THBS4: variants seen among roughly 807,000 people sequenced by gnomAD.
THBS4 encodes the protein thrombospondin-4.
In THBS4, 90 loss-of-function variants were observed where a neutral mutation model predicts 115.7. The observed-to-expected ratio is 0.78, with a 90% CI of 0.66 to 0.93. The LOEUF (loss-of-function observed/expected upper bound fraction) is 0.93. THBS4 is among the 40% of genes least tolerant of loss of function. The pLI is 0.00. For synonymous variants in THBS4, 460 were observed against 479.3 expected, an observed-to-expected ratio of 0.96 and a Z score of 0.53; for missense variants, 1,087 against 1,232.7, an observed-to-expected ratio of 0.88 and a Z score of 1.77.
intron 2 of THBS4, among the ~76,000 whole-genome samples, chr5:80,002,500 G>A (rs1277485208): frequency 1.2e-5 from 1 of 80,436 alleles, no homozygotes; most frequent in Non-Finnish European, 2.1e-5. Context: ...GAAAAGCTGG[G>A]AAGTCCCCTC....
chr5:80,061,862 T>C, intron 8 of THBS4, 30 bp downstream of exon 8: 6 of 1,583,358 alleles, frequency 3.8e-6, no homozygotes, highest in Non-Finnish European at 5.2e-6. Context: ...TCTATTCATT[T>C]CTCATCTTAA....
chr5:80,061,426 C>T (rs1318441631), intron 7 of THBS4, among the ~76,000 whole-genome samples: 1 of 152,176 alleles, frequency 6.6e-6, no homozygotes, highest in Non-Finnish European at 1.5e-5. Flanking sequence ...GAGCTTATTA[C>T]ATTGAGAGGT....
intron 8 of THBS4, among the ~76,000 whole-genome samples, 154 bp from the exon 9 acceptor site, chr5:80,065,255 C>G (rs983490276): frequency 5.3e-5 from 8 of 152,274 alleles, no homozygotes; most frequent in African/African-American, 1.9e-4. Context: ...GGTACAAATG[C>G]AAGGGAGATG....
chr5:80,060,499 C>T (rs1341432566), intron 7 of THBS4, among the ~76,000 whole-genome samples: 2 of 152,220 alleles, frequency 1.3e-5, no homozygotes, highest in Non-Finnish European at 2.9e-5. Context: ...GTGGCTGAAG[C>T]CTGCAATCTC....
At chr5:80,016,609 T>A (rs1561294631) in intron 2 of THBS4, among the ~76,000 whole-genome samples, 1 of 152,232 alleles carries the variant, frequency 6.6e-6, no homozygotes, top group South Asian at 2.1e-4. Context: ...TCATAAATGA[T>A]GAACAAATAA....
chr5:80,065,472 A>ACTT lies in THBS4; in HGVS notation c.1190_1192dup (p.Thr397_Leu398insSer). 1 of 1,613,258 alleles carries ACTT rather than the reference A, an allele frequency of 6.2e-7. No individual in the cohort carries two copies. The highest frequency in any genetic ancestry group is 8.5e-7 in the Non-Finnish European group (1 of 1,179,696). On this transcript the variant is annotated inframe_insertion, in exon 9 of 22. Coordinates refer to ENST00000350881, the MANE Select transcript of THBS4 (RefSeq NM_003248.6). ...CGTTCCCAACTCGATCTGCGTTAAT[A>ACTT]CTTTGGTAAGTATTTCTCACAGCTG...
intron 2 of THBS4, among the ~76,000 whole-genome samples, chr5:80,013,603 C>T: frequency 6.6e-6 from 1 of 152,086 alleles, no homozygotes; most frequent in East Asian, 1.9e-4. Context: ...GGGTAGGTGA[C>T]AGCCTGCCCA....
intron 1 of THBS4, among the ~76,000 whole-genome samples, chr5:79,993,025 A>G (rs888722047): frequency 4.6e-5 from 7 of 152,256 alleles, no homozygotes; most frequent in African/African-American, 1.7e-4. Flanking sequence ...TAAAACAATC[A>G]TACAGAAAGA....
chr5:80,007,893 A>C (rs1387349284), intron 2 of THBS4, among the ~76,000 whole-genome samples: 1 of 152,286 alleles, frequency 6.6e-6, no homozygotes, highest in East Asian at 1.9e-4. Context: ...TCAAATAGTA[A>C]TTAGTTGGTT....
chr5:80,060,618 G>A (rs548689771), intron 7 of THBS4, among the ~76,000 whole-genome samples: 1 of 152,184 alleles, frequency 6.6e-6, no homozygotes, highest in South Asian at 2.1e-4. Context: ...TAATTACTGG[G>A]GCATGGTGGC....
At chr5:80,004,943 ACCCAGGCTGGTCTCAAACTTT>A (rs763883847) in intron 2 of THBS4, among the ~76,000 whole-genome samples, 13 of 151,906 alleles carry the variant, frequency 8.6e-5, no homozygotes, top group Non-Finnish European at 1.6e-4. Context: ...TCGCCATGTT[ACCCAGGCTGGTCTCAAACTTT>A]TGACTTCAGG....
chr5:80,075,336 C>T (rs904099335), intron 15 of THBS4: 1 of 152,186 alleles, frequency 6.6e-6, no homozygotes, highest in African/African-American at 2.4e-5. Flanking sequence ...ATAAATGCAT[C>T]GCACAGGTTA....
chr5:80,059,883 T>G lies in THBS4; in HGVS notation c.965T>G (p.Ile322Ser), dbSNP rs1222888002. 6 of 1,613,966 alleles carry G rather than the reference T, an allele frequency of 3.7e-6. No homozygotes were observed. The highest frequency in any genetic ancestry group is 3.3e-5 in the Admixed American group (2 of 60,010). The change falls in exon 7 of 22, where the codon ATC (isoleucine) becomes AGC (serine). Residue 322 changes from isoleucine to serine, a missense_variant. Transcript: ENST00000350881. ...CCCGAGGGCTACACAGGAAACGGGA[T>G]CACCTGTATTGATGTTGATGAGGTA... ...PCPEGYTGNG[I>S]TCIDVDECKY...
At position 79,995,812 on chromosome 5, in the gene THBS4, G is replaced by A. The variant is rs117076246; in HGVS notation, n.82-2520G>A. Among the ~76,000 whole-genome samples, 878 of 152,034 alleles carry A rather than the reference G, an allele frequency of 5.8e-3. 41 individuals carry two copies. The East Asian group carries it at 0.11, about 19-fold the overall frequency. ...CATTAGAAAAAAAATAAAAGTGCCT[G>A]AGAGAAAGAGATTGGGGCTTTAAAA... On this transcript the variant is annotated intron_variant and non_coding_transcript_variant, in intron 1 of 3. Transcript: ENST00000510218.
chr5:79,998,259 A>G (rs1831834472), intron 1 of THBS4: 1 of 152,198 alleles, frequency 6.6e-6, no homozygotes, highest in African/African-American at 2.4e-5. Flanking sequence ...TCTCATAATA[A>G]TGAGTTCTCA....
rs553435461 is a variant in THBS4 at position 80,042,145 on chromosome 5, G to A, written c.292+1865G>A. On this transcript the variant is annotated intron_variant, in intron 2 of 21. Coordinates refer to ENST00000350881, the MANE Select transcript of THBS4 (RefSeq NM_003248.6). ...GATAATAAAGTGAGTCTGAGGACATGGCCAGCAGATGGGTCAACCGTTCCT... is the reference window on the plus strand; with the variant it reads ...GATAATAAAGTGAGTCTGAGGACATAGCCAGCAGATGGGTCAACCGTTCCT... Among the ~76,000 whole-genome samples, 5 of 152,260 alleles carry A rather than the reference G, an allele frequency of 3.3e-5. No homozygotes were observed. In the South Asian group the frequency reaches 1.0e-3, roughly 32 times the overall value.
intron 2 of THBS4, among the ~76,000 whole-genome samples, chr5:80,042,223 C>G (rs899452416): frequency 2.0e-5 from 3 of 152,192 alleles, no homozygotes; most frequent in African/African-American, 7.2e-5. Flanking sequence ...GCCCATGTCT[C>G]TGCCTTGAAT....
At chr5:80,003,378 A>G (rs1218229978) in intron 2 of THBS4, among the ~76,000 whole-genome samples, 1 of 152,118 alleles carries the variant, frequency 6.6e-6, no homozygotes, top group Non-Finnish European at 1.5e-5. Context: ...AAGTAGGGAG[A>G]GAGAGAAAAA....
At chr5:79,994,342 A>C (rs981239689) in intron 1 of THBS4, among the ~76,000 whole-genome samples, 2 of 152,188 alleles carry the variant, frequency 1.3e-5, no homozygotes, top group African/African-American at 4.8e-5. Flanking sequence ...TATACTCTTA[A>C]CCACTGTGTC....
Sources: gnomAD v4.1 joint callset for allele counts (sites outside exome capture counted in the v4.1 genomes callset) on GRCh38, gnomAD v4.1.1 for gene constraint, MANE v1.5 for transcripts, NCBI Gene and HGNC (gene_info 2026-07-23, HGNC 2026-07-21) for gene names.